The following DYNLT2 variants were observed in gnomAD, a reference collection of about 807,000 sequenced individuals.
The protein encoded by DYNLT2 is dynein light chain Tctex-type 2.
Under a neutral mutation model 24.3 loss-of-function variants are expected in DYNLT2, and 24 were observed. The ratio of observed to expected loss-of-function variants is 0.99; its 90% CI spans 0.71 to 1.39. The LOEUF (loss-of-function observed/expected upper bound fraction) is 1.39. Among genes scored for constraint, DYNLT2 ranks in the 40% most tolerant of loss-of-function variants. The probability of loss-of-function intolerance (pLI) is 0.00; values close to 1 mark genes in which losing one functional copy is unlikely to be tolerated. For missense variants in DYNLT2, 246 were observed against 234.5 expected (o/e 1.05, Z -0.32); for synonymous variants, 85 against 85.4 (o/e 1.00, Z 0.03).
the DYNLT2 span, among the ~76,000 whole-genome samples, chr6:169,733,372 C>T: frequency 6.6e-6 from 1 of 152,144 alleles, no homozygotes; most frequent in African/African-American, 2.4e-5. Context: ...TGCCTGTGTC[C>T]TGAATGGTAT....
At chr6:169,728,124 GTGGAT>G in the DYNLT2 span, among the ~76,000 whole-genome samples, 8 of 152,212 alleles carry the variant, frequency 5.3e-5, no homozygotes, top group Admixed American at 3.9e-4. Context: ...CTTGGACAAA[GTGGAT>G]AATGGGGTTC....
chr6:169,728,840 A>T, the DYNLT2 span, among the ~76,000 whole-genome samples: 1 of 152,188 alleles, frequency 6.6e-6, no homozygotes, highest in African/African-American at 2.4e-5. Context: ...GTTATTCTGC[A>T]TTCTAAGTTT....
intron 1 of DYNLT2, among the ~76,000 whole-genome samples, chr6:169,749,099 AT>A (rs1224637068): frequency 2.0e-5 from 3 of 150,152 alleles, no homozygotes; most frequent in Admixed American, 6.6e-5. Context: ...AGTGTTTAAG[AT>A]TTTTTTTTTC....
downstream of DYNLT2, chr6:169,739,030 TA>T (rs2128334951): frequency 2.0e-5 from 3 of 152,270 alleles, no homozygotes; most frequent in South Asian, 6.2e-4. Flanking sequence ...TCCTTGTTTA[TA>T]GATAATTCAA....
At position 169,751,549 on chromosome 6, in the gene DYNLT2, C is replaced by G; in HGVS notation, c.-91G>C. On this transcript the variant is annotated 5_prime_UTR_variant, in exon 1 of 4. Coordinates refer to ENST00000366774, the MANE Select transcript of DYNLT2 (RefSeq NM_174910.3). ...GTCCCGCGAGGGCGGAAGTCTCCCA[C>G]CTGCGCCTCGTACGGTAGGAAGTGC... The G allele has an allele frequency of 6.2e-7, 1 of 1,610,842 alleles. No homozygotes were observed. Among genetic ancestry groups the G allele is most frequent in the Non-Finnish European group, 8.5e-7 (1 of 1,178,940 alleles).
the DYNLT2 span, among the ~76,000 whole-genome samples, chr6:169,728,747 CA>C: frequency 1.3e-5 from 2 of 152,068 alleles, no homozygotes; most frequent in Non-Finnish European, 2.9e-5. Context: ...TTGTGAAAAA[CA>C]AAAGAAAACA....
chr6:169,739,050 T>G (rs1453218385), downstream of DYNLT2: 1 of 152,002 alleles, frequency 6.6e-6, no homozygotes, highest in Non-Finnish European at 1.5e-5. Flanking sequence ...AACTAATAGG[T>G]ATTTTTACTT....
intron 1 of DYNLT2, among the ~76,000 whole-genome samples, chr6:169,745,789 G>A (rs1472680684): frequency 1.3e-5 from 2 of 152,128 alleles, no homozygotes; most frequent in East Asian, 1.9e-4. Context: ...TGACTTCACA[G>A]AATGAGTTAG....
intron 3 of DYNLT2, among the ~76,000 whole-genome samples, chr6:169,741,023 G>A (rs370429675): frequency 6.6e-6 from 1 of 152,024 alleles, no homozygotes; most frequent in South Asian, 2.1e-4. Context: ...TGACCAAGCT[G>A]CTTGAACTCC....
rs774378345 is a variant in DYNLT2, at chr6:169,751,381, C to A, written c.78G>T (p.Thr26=). 8 of 1,614,146 alleles carry A rather than the reference C, an allele frequency of 5.0e-6. No homozygotes were observed. The South Asian group carries it at 8.8e-5, about 18-fold the overall frequency. The stretch of plus-strand genomic sequence containing the variant: ...TGCTAGGCCTCCTTTCTTTCCTAGG[C>A]GTCACCGGAGCCTGCTGAGGGGTCT... ...PNQTPQQAPV[T]PRKERRPSMF... The change falls in exon 1 of 4, where the codon ACG becomes ACT. Residue 26 remains threonine, a synonymous_variant. Coordinates refer to ENST00000366774, the MANE Select transcript of DYNLT2 (RefSeq NM_174910.3).
At chr6:169,747,838 A>C (rs1789844198) in intron 1 of DYNLT2, among the ~76,000 whole-genome samples, 1 of 152,200 alleles carries the variant, frequency 6.6e-6, no homozygotes, top group Non-Finnish European at 1.5e-5. Flanking sequence ...TAATATTTAA[A>C]GACCAGACAG....
chr6:169,751,341 C>T lies in DYNLT2; in HGVS notation c.118G>A (p.Ala40Thr), dbSNP rs747729410. The stretch of plus-strand genomic sequence containing the variant: ...CCCCTAGCAGTCTCCGCACTCACTG[C>T]CTCCTTCTCGAACATGCTAGGCCTC... ...ERRPSMFEKE[A>T]YTQILRERLR... Residue 40 changes from alanine (A) to threonine (T), a missense_variant and splice_region_variant, in exon 1 of 4, where the codon GCA becomes ACA. By Grantham distance (58) the Ala-to-Thr change is moderately conservative (BLOSUM62 0). Coordinates refer to ENST00000366774, the MANE Select transcript of DYNLT2 (RefSeq NM_174910.3). The T allele has an allele frequency of 5.8e-5, 94 of 1,613,622 alleles. 2 individuals carry two copies. In the South Asian group the frequency reaches 9.9e-4, roughly 17 times the overall value.
At chr6:169,749,317 T>G (rs567578696) in intron 1 of DYNLT2, among the ~76,000 whole-genome samples, 1 of 152,346 alleles carries the variant, frequency 6.6e-6, no homozygotes, top group African/African-American at 2.4e-5. Flanking sequence ...GCCAGGCTGG[T>G]TTTGAACTCC....
the DYNLT2 span, among the ~76,000 whole-genome samples, chr6:169,731,263 A>G: frequency 6.6e-6 from 1 of 152,218 alleles, no homozygotes; most frequent in African/African-American, 2.4e-5. Context: ...ACTTAACCTC[A>G]GAAAATAGCA....
At chr6:169,731,283 A>G in the DYNLT2 span, among the ~76,000 whole-genome samples, 1 of 152,214 alleles carries the variant, frequency 6.6e-6, no homozygotes, top group Non-Finnish European at 1.5e-5. Flanking sequence ...AGAGTATTAC[A>G]TTATGGACAA....
chr6:169,737,816 A>G (rs1312466221), downstream of DYNLT2, among the ~76,000 whole-genome samples: 1 of 152,150 alleles, frequency 6.6e-6, no homozygotes, highest in East Asian at 1.9e-4. Flanking sequence ...GGACCCATCT[A>G]ATGAAGCAAT....
chr6:169,750,423 CTG>C (rs1789956475), intron 1 of DYNLT2: 1 of 152,176 alleles, frequency 6.6e-6, no homozygotes. Flanking sequence ...GTTCTTTCCT[CTG>C]TAAAATGTAG....
At chr6:169,735,573 T>C (rs759736321), downstream of DYNLT2, among the ~76,000 whole-genome samples, 1 of 152,222 alleles carries the variant, frequency 6.6e-6, no homozygotes, top group Non-Finnish European at 1.5e-5. Flanking sequence ...GTTGTTCAAC[T>C]TCCATGAAAT....
At chr6:169,735,131 G>A (rs774310837), downstream of DYNLT2, among the ~76,000 whole-genome samples, 1 of 152,094 alleles carries the variant, frequency 6.6e-6, no homozygotes, top group Non-Finnish European at 1.5e-5. Context: ...GGTCAGTGGT[G>A]ATATCCCCTT....
Sources: allele counts gnomAD v4.1 joint callset (sites outside exome capture counted in the v4.1 genomes callset), GRCh38; gene constraint gnomAD v4.1.1; transcripts MANE v1.5; gene names NCBI Gene and HGNC (gene_info 2026-07-23, HGNC 2026-07-21).